AGBL1: variants seen among roughly 807,000 people sequenced by gnomAD.
AGBL1 encodes the protein AGBL carboxypeptidase 1.
In AGBL1, 130 loss-of-function variants were observed where a neutral mutation model predicts 118.9. The observed-to-expected ratio is 1.09, with a 90% CI of 0.95 to 1.26. The LOEUF is 1.26. Among genes scored for constraint, AGBL1 ranks in the 50% most tolerant of loss-of-function variants. The pLI is 0.00. For synonymous variants in AGBL1, 555 were observed against 478.9 expected (o/e 1.16, Z -2.08); for missense variants, 1,584 against 1,298.1 (o/e 1.22, Z -3.38).
chr15:86,950,219 A>C (rs898689370), intron 23 of AGBL1, among the ~76,000 whole-genome samples: 4 of 151,948 alleles, frequency 2.6e-5, no homozygotes, highest in Non-Finnish European at 5.9e-5. Context: ...AACTTATGTA[A>C]CCATCTCAAG....
At chr15:86,149,454 C>CA (rs962003553) in intron 3 of AGBL1, among the ~76,000 whole-genome samples, 28 of 151,014 alleles carry the variant, frequency 1.9e-4, no homozygotes, top group Admixed American at 2.6e-4. Flanking sequence ...AAATGGAAAG[C>CA]AAAAAAAAGC....
chr15:86,560,450 C>A (rs2083800745), intron 21 of AGBL1, among the ~76,000 whole-genome samples: 1 of 152,168 alleles, frequency 6.6e-6, no homozygotes, highest in Non-Finnish European at 1.5e-5. Flanking sequence ...TCATCCATGT[C>A]CCTACAAAGG....
chr15:86,674,196 C>T, intron 21 of AGBL1, 77 bp from the exon 22 acceptor site: 2 of 1,387,680 alleles, frequency 1.4e-6, no homozygotes, highest in Non-Finnish European at 2.0e-6. Context: ...TGTAGAAGTC[C>T]TTCTTCCTAA....
chr15:86,592,140 A>C (rs550081703), intron 21 of AGBL1, among the ~76,000 whole-genome samples: 23 of 152,352 alleles, frequency 1.5e-4, no homozygotes, highest in Middle Eastern at 6.8e-3. Flanking sequence ...GTTGTCTGCC[A>C]GGTTTCTCAA....
chr15:86,434,099 T>C (rs1310148675), intron 18 of AGBL1, among the ~76,000 whole-genome samples: 1 of 152,236 alleles, frequency 6.6e-6, no homozygotes. Flanking sequence ...ATCATTCACT[T>C]ACCTAGTCAT....
intron 18 of AGBL1, among the ~76,000 whole-genome samples, chr15:86,446,130 C>T (rs1017058826): frequency 7.2e-5 from 11 of 152,198 alleles, no homozygotes; most frequent in African/African-American, 2.2e-4. Context: ...ATAAGAGAGC[C>T]GACATGATTC....
At chr15:86,473,461 G>A (rs953610865) in intron 18 of AGBL1, among the ~76,000 whole-genome samples, 5 of 152,110 alleles carry the variant, frequency 3.3e-5, no homozygotes, top group Admixed American at 6.6e-5. Flanking sequence ...ATTGCCTAGA[G>A]TTTTATTTCT....
chr15:86,582,821 T>A (rs906049151), intron 21 of AGBL1, among the ~76,000 whole-genome samples: 2 of 127,116 alleles, frequency 1.6e-5, no homozygotes, highest in African/African-American at 6.1e-5. Context: ...TGAGAACACA[T>A]GGACACAGGA....
At chr15:86,120,316 T>C (rs917844898) in intron 1 of AGBL1, among the ~76,000 whole-genome samples, 2 of 152,192 alleles carry the variant, frequency 1.3e-5, no homozygotes, top group African/African-American at 4.8e-5. Flanking sequence ...TCCTTGCTCT[T>C]AATGCAAAGC....
chr15:86,357,962 G>A (rs1000215369), intron 17 of AGBL1, among the ~76,000 whole-genome samples: 4 of 152,014 alleles, frequency 2.6e-5, no homozygotes, highest in African/African-American at 9.7e-5. Flanking sequence ...CAGATACATT[G>A]TGAAATGATT....
At chr15:86,478,927 C>G (rs1381383784) in intron 18 of AGBL1, among the ~76,000 whole-genome samples, 1 of 152,122 alleles carries the variant, frequency 6.6e-6, no homozygotes. Context: ...GAAAGAATAC[C>G]ACACATCTAC....
chr15:86,698,109 C>T (rs1233469098), intron 22 of AGBL1, among the ~76,000 whole-genome samples: 2 of 151,948 alleles, frequency 1.3e-5, no homozygotes, highest in Non-Finnish European at 2.9e-5. Flanking sequence ...TCCTATCCGC[C>T]ATTTTTTCCT....
At chr15:86,777,426 A>AT (rs66971238) in intron 22 of AGBL1, among the ~76,000 whole-genome samples, 4,389 of 151,020 alleles carry the variant, frequency 0.029, 115 homozygotes, top group Middle Eastern at 0.089. Context: ...TCTTCCATCT[A>AT]TTTTTTTTTC....
At chr15:86,757,819 C>T (rs896930172) in intron 22 of AGBL1, among the ~76,000 whole-genome samples, 1 of 152,040 alleles carries the variant, frequency 6.6e-6, no homozygotes, top group African/African-American at 2.4e-5. Flanking sequence ...GTGCTCCTGC[C>T]GTGGCTGGCT....
chr15:86,294,355 C>T (rs199515999), intron 16 of AGBL1, among the ~76,000 whole-genome samples: 10 of 135,320 alleles, frequency 7.4e-5, no homozygotes, highest in South Asian at 2.3e-4. Context: ...TCTGAGATTG[C>T]GCCACTGCAC....
chr15:86,558,211 A>G (rs925271609), intron 21 of AGBL1, among the ~76,000 whole-genome samples: 2 of 152,124 alleles, frequency 1.3e-5, no homozygotes, highest in African/African-American at 4.8e-5. Flanking sequence ...CACCCTCGAG[A>G]TCCCTCCTTA....
At chr15:86,249,418 C>T in intron 7 of AGBL1, among the ~76,000 whole-genome samples, 1 of 152,294 alleles carries the variant, frequency 6.6e-6, no homozygotes, top group African/African-American at 2.4e-5. Context: ...TAAACAATAA[C>T]AAAATACAGT....
chr15:86,195,852 T>G (rs1042098989), intron 5 of AGBL1, among the ~76,000 whole-genome samples: 1 of 152,244 alleles, frequency 6.6e-6, no homozygotes, highest in African/African-American at 2.4e-5. Flanking sequence ...TTTTTTTGTT[T>G]AACTCAAGGT....
At chr15:86,445,630 C>G (rs747687300) in intron 18 of AGBL1, among the ~76,000 whole-genome samples, 4 of 152,258 alleles carry the variant, frequency 2.6e-5, no homozygotes, top group Admixed American at 2.0e-4. Flanking sequence ...GCCTTCCACT[C>G]TAGACCTACC....
Sources: allele counts gnomAD v4.1 joint callset (sites outside exome capture counted in the v4.1 genomes callset), GRCh38; gene constraint gnomAD v4.1.1; transcripts MANE v1.5; gene names NCBI Gene and HGNC (gene_info 2026-07-23, HGNC 2026-07-21).